Variants in CPM observed in about 807,000 individuals in gnomAD.
The protein encoded by CPM is carboxypeptidase M, also known as renal carboxypeptidase.
Under a neutral mutation model 46.4 loss-of-function variants are expected in CPM, and 35 were observed. That is an observed-to-expected ratio of 0.75 (90% confidence interval 0.58 to 1.00). CPM has a LOEUF of 1.00. CPM is among the 50% of genes least tolerant of loss of function. CPM has a pLI of 0.00. For missense variants in CPM, 422 were observed against 530.4 expected, an observed-to-expected ratio of 0.80 and a Z score of 2.01; for synonymous variants, 195 against 195.3, an observed-to-expected ratio of 1.00 and a Z score of 0.01.
intron 2 of CPM, among the ~76,000 whole-genome samples, chr12:68,908,306 T>C (rs1320317736): frequency 6.6e-6 from 1 of 152,124 alleles, no homozygotes; most frequent in African/African-American, 2.4e-5. Context: ...GTGCTGTAGG[T>C]ACCAGGATAC....
intron 7 of CPM, among the ~76,000 whole-genome samples, chr12:68,860,064 C>A (rs903996054): frequency 6.6e-6 from 1 of 152,120 alleles, no homozygotes; most frequent in Non-Finnish European, 1.5e-5. Context: ...ACAGTTTCCC[C>A]CAGAAACGGT....
chr12:68,872,053 A>C, intron 3 of CPM, 97 bp from the exon 4 acceptor site: 1 of 1,226,278 alleles, frequency 8.2e-7, no homozygotes, highest in East Asian at 2.4e-5. Context: ...GTCTCTACAC[A>C]TGATATCTCA....
intron 1 of CPM, among the ~76,000 whole-genome samples, chr12:68,940,023 A>T (rs1757459048): frequency 6.6e-6 from 1 of 151,572 alleles, no homozygotes; most frequent in African/African-American, 2.4e-5. Flanking sequence ...TAGTTTTTTG[A>T]TATATTCTTA....
rs758872052 is a variant in CPM at position 68,959,655 on chromosome 12, C to T, written c.-4+3514G>A. ...CATGGGCAAGGAGGGGGTTTTCCCA[C>T]GAGAGGCCAAAATTGGAGAGAGGGT... On this transcript the variant is annotated intron_variant, in intron 1 of 8. Coordinates refer to the CPM transcript ENST00000546373. Among the ~76,000 whole-genome samples the T allele has an allele frequency of 2.5e-4, 38 of 152,304 alleles. 1 individual carries two copies. The highest frequency in any genetic ancestry group is 1.0e-3 in the South Asian group (5 of 4,828).
chr12:68,846,485 G>C (rs749993841), downstream of CPM: 2 of 151,928 alleles, frequency 1.3e-5, no homozygotes, highest in African/African-American at 2.4e-5. Context: ...GTCTATTTTT[G>C]GTTCACACCT....
In CPM at chr12:68,851,759, T is replaced by C. The variant is rs917355620; in HGVS notation, c.*4678A>G. The C allele has an allele frequency of 1.3e-5, 2 of 152,220 alleles. No individual in the cohort carries two copies. The highest frequency in any genetic ancestry group is 2.4e-5 in the African/African-American group (1 of 41,466). 9.4% of individuals were successfully genotyped at this position (152,220 alleles called of 1,614,324 possible). A position where few individuals can be genotyped will look rare whatever the true frequency, so the allele number is the denominator to read the frequency against. ...TACAGTATCTGCTTATTAGTTGATA[T>C]AATGTAAAGTCTATAACAAACCCAA... is the stretch of plus-strand genomic sequence containing the variant. On this transcript the variant is annotated 3_prime_UTR_variant, in exon 9 of 9. Transcript: ENST00000551568.
chr12:68,905,075 A>G (rs1339543349), intron 2 of CPM, among the ~76,000 whole-genome samples: 1 of 151,876 alleles, frequency 6.6e-6, no homozygotes, highest in African/African-American at 2.4e-5. Flanking sequence ...CGCCTGGCTA[A>G]TGTTTGCATT....
intron 2 of CPM, among the ~76,000 whole-genome samples, chr12:68,903,167 C>A (rs998398359): frequency 6.6e-6 from 1 of 152,162 alleles, no homozygotes; most frequent in Admixed American, 6.5e-5. Context: ...AAACTTGAAC[C>A]TATTTTGGGA....
chr12:68,960,135 A>T (rs1303012538), intron 1 of CPM, among the ~76,000 whole-genome samples: 2 of 152,206 alleles, frequency 1.3e-5, no homozygotes, highest in Non-Finnish European at 1.5e-5. Context: ...GCCTTGTAAA[A>T]CTGGAAAAAA....
chr12:68,903,846 CTCCCTCCCTTCT>C (rs1323303691), intron 2 of CPM, among the ~76,000 whole-genome samples: 8 of 151,810 alleles, frequency 5.3e-5, no homozygotes, highest in South Asian at 2.1e-4. Flanking sequence ...CCCTCCGTCC[CTCCCTCCCTTCT>C]TCCCTCCCTC....
intron 3 of CPM, among the ~76,000 whole-genome samples, chr12:68,883,033 C>T (rs3853489): frequency 0.5 from 76,346 of 152,042 alleles, 19,991 homozygotes; most frequent in Non-Finnish European, 0.58. Flanking sequence ...CACACACACA[C>T]GCACAGTGGG....
intron 3 of CPM, among the ~76,000 whole-genome samples, chr12:68,874,903 A>G (rs527383898): frequency 6.6e-6 from 1 of 152,204 alleles, no homozygotes; most frequent in Non-Finnish European, 1.5e-5. Context: ...GCATGCAAAC[A>G]ATCACGACAC....
chr12:68,952,472 C>A (rs577632603), intron 1 of CPM, among the ~76,000 whole-genome samples: 1 of 152,136 alleles, frequency 6.6e-6, no homozygotes, highest in Non-Finnish European at 1.5e-5. Flanking sequence ...TCTGTGGGAC[C>A]CAGTGCAAAA....
upstream of CPM, among the ~76,000 whole-genome samples, chr12:68,934,280 A>T (rs879550160): frequency 2.6e-5 from 4 of 152,228 alleles, no homozygotes; most frequent in Non-Finnish European, 4.4e-5. Flanking sequence ...ATGCAAGCCC[A>T]CGACTAATTG....
intron 1 of CPM, 103 bp downstream of exon 1, chr12:68,933,039 C>T (rs1208039804): frequency 1.8e-5 from 9 of 511,746 alleles, no homozygotes; most frequent in Non-Finnish European, 2.4e-5. Flanking sequence ...GCCTCGGTGC[C>T]CTCGACCCAG....
chr12:68,907,877 G>A (rs889480853), intron 2 of CPM, among the ~76,000 whole-genome samples: 3 of 152,088 alleles, frequency 2.0e-5, no homozygotes, highest in African/African-American at 7.2e-5. Flanking sequence ...TGCCCAAGCT[G>A]GAGTGCAGTG....
At chr12:68,892,469 A>G (rs998627869) in intron 2 of CPM, among the ~76,000 whole-genome samples, 3 of 152,186 alleles carry the variant, frequency 2.0e-5, no homozygotes, top group African/African-American at 7.2e-5. Context: ...TCTGCCCCAG[A>G]GCTGTGGAAT....
In CPM at chr12:68,872,230, A is replaced by ATGCTGCTGC. The variant is rs372578780; in HGVS notation, c.259-283_259-275dup. Among the ~76,000 whole-genome samples the ATGCTGCTGC allele has an allele frequency of 1.3e-4, 19 of 147,382 alleles. No homozygotes were observed. In the East Asian group the frequency reaches 1.4e-3, roughly 11 times the overall value. ...TGCAAAAATGAATTAGAGTGGAATA[A>ATGCTGCTGC]TGCTGCTGCTGCTGCTGCTTCCTTT... is the stretch of plus-strand genomic sequence containing the variant. On this transcript the variant is annotated intron_variant, in intron 3 of 8. Transcript: ENST00000551568.
At chr12:68,883,135 G>T (rs1025833699) in intron 3 of CPM, among the ~76,000 whole-genome samples, 2 of 152,142 alleles carry the variant, frequency 1.3e-5, no homozygotes, top group African/African-American at 4.8e-5. Context: ...TCCACCTAAG[G>T]TCCATAAACT....
Sources: allele counts gnomAD v4.1 joint callset (sites outside exome capture counted in the v4.1 genomes callset), GRCh38; gene constraint gnomAD v4.1.1; transcripts MANE v1.5; gene names NCBI Gene and HGNC (gene_info 2026-07-23, HGNC 2026-07-21).